The following PRCP variants were observed in gnomAD, a reference collection of about 807,000 sequenced individuals.
The protein encoded by PRCP is prolylcarboxypeptidase, also known as lysosomal Pro-X carboxypeptidase.
PRCP carries 46 observed loss-of-function variants against 54.2 expected under a neutral mutation model. That is an observed-to-expected ratio of 0.85 (90% CI 0.67 to 1.09). PRCP has a LOEUF of 1.09. PRCP is among the 50% of genes least tolerant of loss of function. The pLI is 0.00. For synonymous variants in PRCP, 240 were observed against 212.2 expected (o/e 1.13, Z -1.14); for missense variants, 613 against 596.8 (o/e 1.03, Z -0.28).
intron 1 of PRCP, among the ~76,000 whole-genome samples, chr11:82,877,244 G>C (rs1455441075): frequency 6.6e-6 from 1 of 152,184 alleles, no homozygotes; most frequent in Non-Finnish European, 1.5e-5. Context: ...TTTTAAAAGG[G>C]AAACAGCATA....
chr11:82,854,413 A>G (rs1859030969), intron 2 of PRCP, among the ~76,000 whole-genome samples: 2 of 152,228 alleles, frequency 1.3e-5, no homozygotes, highest in Non-Finnish European at 2.9e-5. Context: ...AATAGCCACA[A>G]AAAGAATGAA....
chr11:82,827,505 T>A (rs1389075645), intron 8 of PRCP: 1 of 152,170 alleles, frequency 6.6e-6, no homozygotes, highest in African/African-American at 2.4e-5. Flanking sequence ...CAGCATCATT[T>A]GTTGAAAAAA....
chr11:82,895,920 G>T (rs1860109914), intron 1 of PRCP, among the ~76,000 whole-genome samples: 2 of 152,172 alleles, frequency 1.3e-5, no homozygotes, highest in Admixed American at 6.5e-5. Context: ...TCCCCTCACA[G>T]CAAATGAGGA....
chr11:82,848,492 G>A (rs921799826), intron 6 of PRCP, among the ~76,000 whole-genome samples: 3 of 152,174 alleles, frequency 2.0e-5, no homozygotes, highest in African/African-American at 7.2e-5. Context: ...CACACAGTTG[G>A]TAAGTGAAGC....
chr11:82,851,383 G>A (rs189064834), intron 3 of PRCP, among the ~76,000 whole-genome samples: 4 of 149,408 alleles, frequency 2.7e-5, no homozygotes, highest in South Asian at 2.2e-4. Flanking sequence ...TTGCTCTCCC[G>A]CACTGCCAAC....
At chr11:82,884,438 G>A (rs1859821098) in intron 1 of PRCP, among the ~76,000 whole-genome samples, 1 of 152,082 alleles carries the variant, frequency 6.6e-6, no homozygotes, top group East Asian at 1.9e-4. Flanking sequence ...CATACCTGTA[G>A]TCAAGCTCCT....
At chr11:82,894,239 T>TG (rs1263983038) in intron 1 of PRCP, among the ~76,000 whole-genome samples, 5 of 152,196 alleles carry the variant, frequency 3.3e-5, no homozygotes, top group African/African-American at 1.2e-4. Flanking sequence ...ATAAACACAA[T>TG]GTTTTATTAT....
chr11:82,841,263 C>CG (rs142034721), intron 6 of PRCP, among the ~76,000 whole-genome samples: 16 of 110,422 alleles, frequency 1.4e-4, no homozygotes, highest in African/African-American at 3.0e-4. Context: ...CAGCTGCCAG[C>CG]GGGGGAAAAA....
intron 1 of PRCP, among the ~76,000 whole-genome samples, chr11:82,887,418 T>C (rs1275741841): frequency 1.3e-5 from 2 of 152,258 alleles, no homozygotes; most frequent in African/African-American, 4.8e-5. Context: ...ATGACTGTGC[T>C]GTTTTACTGT....
At chr11:82,846,814 A>C (rs1858817994) in intron 6 of PRCP, among the ~76,000 whole-genome samples, 1 of 152,212 alleles carries the variant, frequency 6.6e-6, no homozygotes, top group South Asian at 2.1e-4. Context: ...CAAAATGAAC[A>C]TTAAAGAGGT....
chr11:82,875,730 A>T (rs1386933389), intron 1 of PRCP, among the ~76,000 whole-genome samples: 1 of 152,190 alleles, frequency 6.6e-6, no homozygotes, highest in African/African-American at 2.4e-5. Flanking sequence ...TGTGGGTGAG[A>T]ACAGGGTGAT....
intron 8 of PRCP, 35 bp downstream of exon 8, chr11:82,838,352 C>A (rs369809952): frequency 7.0e-6 from 11 of 1,561,166 alleles, no homozygotes; most frequent in Non-Finnish European, 8.7e-6. Context: ...AATGTTCCAC[C>A]AACTGAAGTT....
intron 4 of PRCP, 36 bp from the exon 5 acceptor site, chr11:82,850,107 A>G (rs776662599): frequency 2.1e-6 from 2 of 970,760 alleles, no homozygotes; most frequent in South Asian, 9.0e-5. Flanking sequence ...GAAAAAAGAA[A>G]AGAAAAAATA....
At chr11:82,881,911 A>G (rs766594757) in intron 1 of PRCP, among the ~76,000 whole-genome samples, 3 of 152,224 alleles carry the variant, frequency 2.0e-5, no homozygotes, top group Non-Finnish European at 4.4e-5. Flanking sequence ...TTAATAGAAC[A>G]TACTATTGAC....
intron 6 of PRCP, chr11:82,845,573 C>A (rs1314133606): frequency 6.6e-6 from 1 of 152,166 alleles, no homozygotes; most frequent in Non-Finnish European, 1.5e-5. Context: ...TCATAGAATG[C>A]ACCTAAACCG....
Position 82,823,757 on chromosome 11 carries a change from C to A in PRCP, c.*1149G>T, listed in dbSNP as rs1858151381. The A allele has an allele frequency of 6.6e-6, 1 of 152,132 alleles. No individual in the cohort carries two copies. Among genetic ancestry groups the A allele is most frequent in the Non-Finnish European group, 1.5e-5 (1 of 68,014 alleles). 9.4% of individuals were successfully genotyped at this position (152,132 alleles called of 1,614,324 possible). The stretch of plus-strand genomic sequence containing the variant: ...GTTTTGATCCAACCCTATTTGTTAT[C>A]CTAGAAAAGCTCTCTGAAGAAAGGT... On this transcript the variant is annotated 3_prime_UTR_variant, in exon 9 of 9. Transcript: ENST00000313010.
chr11:82,879,153 G>A lies in PRCP; in HGVS notation c.169-19036C>T, dbSNP rs536345040. On this transcript the variant is annotated intron_variant, in intron 1 of 8. Coordinates refer to ENST00000313010, the MANE Select transcript of PRCP (RefSeq NM_005040.4). Reference sequence around the variant, plus strand: ...TTTCCAACTTGGTTCCATTCTCCCCGTCACTTTCAGGTACACCAATCAGAC... The same window carrying A: ...TTTCCAACTTGGTTCCATTCTCCCCATCACTTTCAGGTACACCAATCAGAC... Among the ~76,000 whole-genome samples, 201 of 152,208 alleles carry A rather than the reference G, an allele frequency of 1.3e-3. 3 individuals are homozygous for A. The highest frequency in any genetic ancestry group is 4.6e-3 in the African/African-American group (189 of 41,508).
At chr11:82,864,565 G>C (rs1229203712) in intron 1 of PRCP, among the ~76,000 whole-genome samples, 1 of 152,172 alleles carries the variant, frequency 6.6e-6, no homozygotes, top group African/African-American at 2.4e-5. Context: ...ACAAGGCAGA[G>C]GCAGAGCTAG....
At position 82,850,527 on chromosome 11, in the gene PRCP, C is replaced by T. The variant is rs753284456; in HGVS notation, c.412-22G>A. 3 of 1,530,384 alleles carry T rather than the reference C, an allele frequency of 2.0e-6. No individual in the cohort carries two copies. The South Asian group carries it at 3.7e-5, about 19-fold the overall frequency. 94.8% of individuals were successfully genotyped at this position (1,530,384 alleles called of 1,614,324 possible). On this transcript the variant is annotated intron_variant, in intron 3 of 8. Coordinates refer to ENST00000313010, the MANE Select transcript of PRCP (RefSeq NM_005040.4). ...AATCCTAAAGAAATATAACAAAGAA[C>T]ACGGGTATAAATGTGCACATAACAG...
Sources: gnomAD v4.1 joint callset for allele counts (sites outside exome capture counted in the v4.1 genomes callset) on GRCh38, gnomAD v4.1.1 for gene constraint, MANE v1.5 for transcripts, NCBI Gene and HGNC (gene_info 2026-07-23, HGNC 2026-07-21) for gene names.